The following ZFYVE1 variants were observed in gnomAD, a reference collection of about 807,000 sequenced individuals.
ZFYVE1 encodes zinc finger FYVE domain-containing protein 1.
Under a neutral mutation model 74.4 loss-of-function variants are expected in ZFYVE1, and 30 were observed. The observed-to-expected ratio is 0.40, with a 90% CI of 0.30 to 0.55. The LOEUF (loss-of-function observed/expected upper bound fraction) is 0.55. ZFYVE1 is among the 20% of genes least tolerant of loss of function. The probability of loss-of-function intolerance (pLI) is 0.42; values close to 1 mark genes in which losing one functional copy is unlikely to be tolerated. For synonymous variants in ZFYVE1, 335 were observed against 385.1 expected (o/e 0.87, Z 1.52); for missense variants, 703 against 1,011.6 (o/e 0.69, Z 4.14).
At chr14:72,981,756 T>TG in intron 5 of ZFYVE1, 33 bp downstream of exon 5, 6 of 1,593,470 alleles carry the variant, frequency 3.8e-6, no homozygotes, top group Non-Finnish European at 5.2e-6. Flanking sequence ...TCTCAAGGTA[T>TG]GGGGTGGGAG....
rs201983681 is a variant in ZFYVE1, at chr14:72,975,640, C to T, written c.1717G>A (p.Glu573Lys). Reference sequence around the variant, plus strand: ...GCCTTGGTGGGTCCAAGGCTAAGCTCGGACACCGACTGAGCCATGAAGTTC... The same window carrying T: ...GCCTTGGTGGGTCCAAGGCTAAGCTTGGACACCGACTGAGCCATGAAGTTC... ...GMNFMAQSVS[E>K]LSLGPTKAVT... Residue 573 changes from glutamate (E) to lysine (K), a missense_variant, in exon 9 of 12, where the codon GAG becomes AAG. Coordinates refer to ENST00000556143, the MANE Select transcript of ZFYVE1 (RefSeq NM_021260.4). This position sits in a 1 kb window ranked among gnomAD's most constrained non-coding sequence, Gnocchi z 4.1. 5 of 1,614,174 alleles carry T rather than the reference C, an allele frequency of 3.1e-6. No homozygotes were observed. Among genetic ancestry groups the T allele is most frequent in the East Asian group, 4.5e-5 (2 of 44,878 alleles).
chr14:72,997,237 G>A (rs1428969697), intron 3 of ZFYVE1, among the ~76,000 whole-genome samples: 4 of 152,012 alleles, frequency 2.6e-5, no homozygotes, highest in South Asian at 2.1e-4. Context: ...TCTGCAATAC[G>A]TCACATCTTA....
chr14:73,018,430 CAAAAA>C (rs397853346), intron 2 of ZFYVE1, among the ~76,000 whole-genome samples: 3 of 55,978 alleles, frequency 5.4e-5, no homozygotes, highest in African/African-American at 1.2e-4. Flanking sequence ...GACTCCATCT[CAAAAA>C]AAAAAAAAAA....
chr14:72,978,566 C>CCA (rs1893238532), intron 6 of ZFYVE1, among the ~76,000 whole-genome samples: 2 of 50,952 alleles, frequency 3.9e-5, no homozygotes, highest in Non-Finnish European at 6.5e-5. Flanking sequence ...GACTCTGTCT[C>CCA]AAAAAAAAAA....
chr14:72,977,839 T>C (rs1430312686), intron 8 of ZFYVE1, 88 bp downstream of exon 8: 3 of 1,370,576 alleles, frequency 2.2e-6, no homozygotes, highest in Non-Finnish European at 3.0e-6. Context: ...TGGTTAACCT[T>C]AATTTTAAGC....
chr14:72,977,959 C>A lies in ZFYVE1; in HGVS notation c.1603G>T (p.Val535Leu). 1.9e-6 allele frequency: 3 copies of A among 1,614,210 alleles called. 1 individual carries two copies. Among genetic ancestry groups the A allele is most frequent in the Non-Finnish European group, 2.5e-6 (3 of 1,180,044 alleles). Residue 535 changes from valine to leucine, a missense_variant, in exon 8 of 12, where the codon GTG (valine) becomes TTG (leucine). Physicochemically the swap from Val to Leu is conservative, Grantham distance 32 (BLOSUM62 1). Coordinates refer to ENST00000556143, the MANE Select transcript of ZFYVE1 (RefSeq NM_021260.4). ...FGNQDPVDTVVRTEIVHVWPG... is the reference protein window; with the variant it reads ...FGNQDPVDTVLRTEIVHVWPG... ...CACACATGCACAATCTCTGTCCGCACCACCGTATCCACAGGATCTTGGTTT... is the reference window on the plus strand; with the variant it reads ...CACACATGCACAATCTCTGTCCGCAACACCGTATCCACAGGATCTTGGTTT...
intron 2 of ZFYVE1, among the ~76,000 whole-genome samples, chr14:73,003,054 C>CT (rs201185010): frequency 0.22 from 22,304 of 102,830 alleles, 3,458 homozygotes; most frequent in East Asian, 0.47. Flanking sequence ...TTTTTCTTTT[C>CT]TTTTTTTTTT....
At chr14:73,002,957 T>C (rs1009417360) in intron 2 of ZFYVE1, among the ~76,000 whole-genome samples, 2 of 151,514 alleles carry the variant, frequency 1.3e-5, no homozygotes, top group African/African-American at 4.8e-5. Context: ...TTAGCCAGGA[T>C]GGTCTCAATC....
intron 2 of ZFYVE1, among the ~76,000 whole-genome samples, chr14:73,012,349 C>G (rs951541711): frequency 1.3e-5 from 2 of 152,004 alleles, no homozygotes; most frequent in African/African-American, 4.8e-5. Context: ...GGGCCAGGTA[C>G]GGTGCCTCAT....
At chr14:73,001,816 C>G (rs558574172) in intron 2 of ZFYVE1, among the ~76,000 whole-genome samples, 34 of 151,624 alleles carry the variant, frequency 2.2e-4, no homozygotes, top group African/African-American at 7.5e-4. Context: ...GGCGTGGTGG[C>G]ACATGCCGGT....
chr14:73,003,028 A>G (rs1594854076), intron 2 of ZFYVE1, among the ~76,000 whole-genome samples: 1 of 142,248 alleles, frequency 7.0e-6, no homozygotes, highest in African/African-American at 2.6e-5. Context: ...AGGTGTGACC[A>G]CCGTGCCCAG....
chr14:73,019,338 T>TG (rs895550304), intron 2 of ZFYVE1, among the ~76,000 whole-genome samples: 34 of 152,032 alleles, frequency 2.2e-4, no homozygotes, highest in African/African-American at 8.2e-4. Flanking sequence ...CTCAGCTACT[T>TG]GGGAGGCTGT....
rs185449903 is a variant in ZFYVE1 at position 72,975,102 on chromosome 14, G to A, written c.1807-143C>T. 1.8e-4 allele frequency: 151 copies of A among 843,300 alleles called. No homozygotes were observed. The highest frequency in any genetic ancestry group is 1.6e-3 in the African/African-American group (91 of 58,396). 52.2% of individuals were successfully genotyped at this position (843,300 alleles called of 1,614,324 possible). On this transcript the variant is annotated intron_variant, in intron 9 of 11. Coordinates refer to ENST00000556143, the MANE Select transcript of ZFYVE1 (RefSeq NM_021260.4). This position sits in a 1 kb window ranked among gnomAD's most constrained non-coding sequence, Gnocchi z 4.1. ...ACAAGGACAAGAGCTTTCTAGTAAC[G>A]CGTTATCTGAGAATGGAAAGGAAGC...
At chr14:72,976,473 T>C (rs1399216300) in intron 8 of ZFYVE1, among the ~76,000 whole-genome samples, 2 of 151,796 alleles carry the variant, frequency 1.3e-5, no homozygotes, top group Admixed American at 6.6e-5. Flanking sequence ...GCCAGAAAAT[T>C]AGAAAAAGGA....
At chr14:72,979,321 G>T in intron 5 of ZFYVE1, 2 of 211,040 alleles carry the variant, frequency 9.5e-6, no homozygotes, top group East Asian at 1.0e-4. Flanking sequence ...CCAACATGGT[G>T]AAACATCGAC....
intron 4 of ZFYVE1, 81 bp from the exon 5 acceptor site, chr14:72,981,976 A>T: frequency 8.5e-7 from 1 of 1,180,468 alleles, no homozygotes; most frequent in Non-Finnish European, 1.3e-6. Flanking sequence ...GCACCGTACA[A>T]GCAACACAGG....
At chr14:72,977,135 C>T (rs1375949934) in intron 8 of ZFYVE1, among the ~76,000 whole-genome samples, 11 of 152,180 alleles carry the variant, frequency 7.2e-5, no homozygotes, top group Non-Finnish European at 1.3e-4. Context: ...AAACTGGGCG[C>T]GGTGGCTCAC....
At chr14:73,007,492 A>G (rs1347530550) in intron 2 of ZFYVE1, among the ~76,000 whole-genome samples, 1 of 152,082 alleles carries the variant, frequency 6.6e-6, no homozygotes, top group African/African-American at 2.4e-5. Context: ...CTCCTGCCTC[A>G]GCCTCCTAGG....
intron 1 of ZFYVE1, among the ~76,000 whole-genome samples, chr14:73,026,647 C>T (rs1894467541): frequency 6.6e-6 from 1 of 152,146 alleles, no homozygotes; most frequent in Non-Finnish European, 1.5e-5. Flanking sequence ...GACACCTCTC[C>T]CCAGCCGGGG....
Sources: gnomAD v4.1 joint callset for allele counts (sites outside exome capture counted in the v4.1 genomes callset) on GRCh38, gnomAD v4.1.1 for gene constraint, Gnocchi (gnomAD v3.1) non-coding constraint, MANE v1.5 for transcripts, NCBI Gene and HGNC (gene_info 2026-07-23, HGNC 2026-07-21) for gene names.